The following DENND1A variants were observed in gnomAD, a reference collection of about 807,000 sequenced individuals.
The protein encoded by DENND1A is DENN domain containing 1A.
DENND1A carries 51 observed loss-of-function variants against 113.7 expected under a neutral mutation model. The ratio of observed to expected loss-of-function variants is 0.45; its 90% confidence interval spans 0.36 to 0.57. DENND1A has a LOEUF of 0.57. Among genes scored for constraint, DENND1A ranks in the 20% least tolerant of loss-of-function variants. The pLI is 0.00. For missense variants in DENND1A, 1,258 were observed against 1,395.9 expected (o/e 0.90, Z 1.57); for synonymous variants, 565 against 570.8 (o/e 0.99, Z 0.14).
intron 19 of DENND1A, among the ~76,000 whole-genome samples, chr9:123,432,824 T>C (rs1216037497): frequency 6.6e-6 from 1 of 152,182 alleles, no homozygotes; most frequent in Non-Finnish European, 1.5e-5. Context: ...TGGGCAGCAT[T>C]ATCCACTCTT....
At chr9:123,423,071 G>A (rs1050920028) in intron 19 of DENND1A, among the ~76,000 whole-genome samples, 9 of 152,188 alleles carry the variant, frequency 5.9e-5, no homozygotes, top group Non-Finnish European at 7.3e-5. Context: ...TACAACCAAG[G>A]GGAGGGGCGC....
intron 13 of DENND1A, among the ~76,000 whole-genome samples, chr9:123,543,360 T>C (rs1020887696): frequency 3.3e-5 from 5 of 152,254 alleles, no homozygotes; most frequent in African/African-American, 1.2e-4. Flanking sequence ...GCTTCAGTAG[T>C]GTACATTGTT....
chr9:123,572,801 T>C (rs1177650997), intron 12 of DENND1A, among the ~76,000 whole-genome samples: 1 of 152,198 alleles, frequency 6.6e-6, no homozygotes, highest in African/African-American at 2.4e-5. Context: ...TTACCTTTCA[T>C]GACATCCAAT....
intron 4 of DENND1A, among the ~76,000 whole-genome samples, chr9:123,763,678 C>G (rs2131529402): frequency 6.6e-6 from 1 of 151,936 alleles, no homozygotes; most frequent in Non-Finnish European, 1.5e-5. Flanking sequence ...TATAGAAACA[C>G]CAATTTAGAA....
intron 4 of DENND1A, among the ~76,000 whole-genome samples, chr9:123,767,656 G>A (rs1045551386): frequency 6.6e-6 from 1 of 152,158 alleles, no homozygotes; most frequent in African/African-American, 2.4e-5. Context: ...GTGTGTGTAT[G>A]TGTGTATGCA....
At chr9:123,545,104 A>G (rs1198998361) in intron 13 of DENND1A, among the ~76,000 whole-genome samples, 1 of 88,056 alleles carries the variant, frequency 1.1e-5, no homozygotes, top group African/African-American at 5.1e-5. Flanking sequence ...TCTCAAAAAG[A>G]AAAAAAAAAA....
rs76644633 is a variant in DENND1A, at chr9:123,721,768, C to T, written c.302+35935G>A. Among the ~76,000 whole-genome samples the T allele has an allele frequency of 3.0e-4, 46 of 152,322 alleles. No homozygotes were observed. The East Asian group carries it at 5.4e-3, about 18-fold the overall frequency. ...ACATGACTTACTCCTTCTTGCCTTC[C>T]ACCATGATTGTGAGGCCTCCCCAGC... On this transcript the variant is annotated intron_variant, in intron 5 of 23. Coordinates refer to ENST00000394215, the MANE Select transcript of DENND1A (RefSeq NM_001352964.2).
intron 8 of DENND1A, among the ~76,000 whole-genome samples, chr9:123,655,339 G>A (rs1033324411): frequency 6.6e-6 from 1 of 152,170 alleles, no homozygotes; most frequent in African/African-American, 2.4e-5. Context: ...TGAGGGTGCT[G>A]GTCCCTCACT....
intron 9 of DENND1A, among the ~76,000 whole-genome samples, chr9:123,641,111 C>A (rs549702455): frequency 6.6e-6 from 1 of 152,236 alleles, no homozygotes; most frequent in Non-Finnish European, 1.5e-5. Context: ...AAAGTGACCA[C>A]ACTTTCAGTC....
chr9:123,457,733 G>A, intron 14 of DENND1A, 60 bp downstream of exon 14: 2 of 1,485,016 alleles, frequency 1.3e-6, no homozygotes, highest in Non-Finnish European at 1.8e-6. Context: ...TTAGAGTGGA[G>A]ACAGCTGCAG....
intron 9 of DENND1A, among the ~76,000 whole-genome samples, chr9:123,642,662 G>A (rs2062089916): frequency 1.3e-5 from 2 of 152,166 alleles, no homozygotes; most frequent in Admixed American, 6.5e-5. Context: ...GGCTTCCCTT[G>A]AGCACAGTTT....
At position 123,382,060 on chromosome 9, in the gene DENND1A, C is replaced by A; in HGVS notation, c.2585G>T (p.Arg862Leu). Reference protein sequence around the residue: ...TAWSGSTLPSRPATPNVATPF... With the variant: ...TAWSGSTLPSLPATPNVATPF... ...GGTGGCTACATTCGGGGTGGCGGGGCGTGACGGGAGGGTGCTGCCTGACCA... is the reference window on the plus strand; with the variant it reads ...GGTGGCTACATTCGGGGTGGCGGGGAGTGACGGGAGGGTGCTGCCTGACCA... Residue 862 changes from arginine to leucine, a missense_variant, in exon 24 of 24, where the codon CGC becomes CTC. By Grantham distance (102) the Arg-to-Leu change is moderately radical. Around this residue, in one of 2 missense-constraint regions of DENND1A, gnomAD observed 1,159 missense variants for 1,231.7 expected, o/e 0.94. Transcript: ENST00000394215. 1.3e-6 allele frequency: 2 copies of A among 1,502,466 alleles called. No homozygotes were observed. Among genetic ancestry groups the A allele is most frequent in the Non-Finnish European group, 1.8e-6 (2 of 1,127,666 alleles). 93.1% of individuals were successfully genotyped at this position (1,502,466 alleles called of 1,614,324 possible). A position where few individuals can be genotyped will look rare whatever the true frequency, so the allele number is the denominator to read the frequency against.
At chr9:123,533,696 A>G (rs2055510676) in intron 13 of DENND1A, among the ~76,000 whole-genome samples, 1 of 152,222 alleles carries the variant, frequency 6.6e-6, no homozygotes, top group Non-Finnish European at 1.5e-5. Context: ...TGCTCTGTTC[A>G]AAGCTGCAGG....
rs1425297340 is a variant in DENND1A at position 123,387,959 on chromosome 9, C to A, written c.1632-101G>T. 8 of 1,185,540 alleles carry A rather than the reference C, an allele frequency of 6.7e-6. No individual in the cohort carries two copies. In the African/African-American group the frequency reaches 1.3e-4, roughly 19 times the overall value. The allele number at this position is 1,185,540 out of a possible 1,614,324, so 73.4% of individuals were successfully genotyped here. A position where few individuals can be genotyped will look rare whatever the true frequency, so the allele number is the denominator to read the frequency against. Reference sequence around the variant, plus strand: ...GCAGGCCTCTGGGCTCCACGCCTGGCCCTGCCTCTGTGTGCCAGCCTGGGG... The same window carrying A: ...GCAGGCCTCTGGGCTCCACGCCTGGACCTGCCTCTGTGTGCCAGCCTGGGG... On this transcript the variant is annotated intron_variant, in intron 21 of 23. Transcript: ENST00000394215.
intron 19 of DENND1A, chr9:123,413,996 G>T: frequency 1.0e-6 from 1 of 988,860 alleles, no homozygotes; most frequent in Non-Finnish European, 1.2e-6. Context: ...TCTACTTCGG[G>T]GGAACCATCT....
chr9:123,507,016 T>A (rs993333077), intron 13 of DENND1A, among the ~76,000 whole-genome samples: 5 of 152,126 alleles, frequency 3.3e-5, no homozygotes, highest in Middle Eastern at 6.8e-3. Flanking sequence ...TGAAACTCAG[T>A]CTCTACTAAA....
chr9:123,459,413 A>G (rs776903304), intron 13 of DENND1A, among the ~76,000 whole-genome samples: 2 of 152,230 alleles, frequency 1.3e-5, no homozygotes, highest in Non-Finnish European at 2.9e-5. Context: ...TTTTAAAATA[A>G]TTAAAGAACG....
At chr9:123,407,134 G>A (rs2043921563) in intron 20 of DENND1A, among the ~76,000 whole-genome samples, 2 of 122,196 alleles carry the variant, frequency 1.6e-5, no homozygotes, top group South Asian at 5.9e-4. Context: ...CTTCATTAGG[G>A]ATGATAAAAC....
chr9:123,739,027 A>G (rs555067154), intron 5 of DENND1A, among the ~76,000 whole-genome samples: 3 of 152,358 alleles, frequency 2.0e-5, no homozygotes. Context: ...GCTTTTAGAT[A>G]GAATGTCACA....
Sources: gnomAD v4.1 joint callset for allele counts (sites outside exome capture counted in the v4.1 genomes callset) on GRCh38, gnomAD v4.1.1 for gene constraint, gnomAD v4.1.1 regional missense constraint, MANE v1.5 for transcripts, NCBI Gene and HGNC (gene_info 2026-07-23, HGNC 2026-07-21) for gene names.